SERINC5: variants seen among roughly 807,000 people sequenced by gnomAD.
SERINC5 encodes serine incorporator 5, also known as chromosome 5 open reading frame 12.
Under a neutral mutation model 63.1 loss-of-function variants are expected in SERINC5, and 41 were observed. The observed-to-expected ratio is 0.65, with a 90% CI of 0.51 to 0.84. The LOEUF (loss-of-function observed/expected upper bound fraction) is 0.84. Ranked by LOEUF, SERINC5 falls within the 40% of genes least tolerant of loss-of-function variation. The pLI, the probability that SERINC5 is intolerant of heterozygous loss-of-function variation, is 0.00. For missense variants in SERINC5, 523 were observed against 573.0 expected (o/e 0.91, Z 0.89); for synonymous variants, 222 against 215.2 (o/e 1.03, Z -0.28).
intron 1 of SERINC5, among the ~76,000 whole-genome samples, chr5:80,247,332 A>G (rs908896606): frequency 2.0e-5 from 3 of 152,124 alleles, no homozygotes; most frequent in Admixed American, 1.3e-4. Context: ...CCAGATACTC[A>G]GTATCTGTGG....
At chr5:80,233,597 A>G (rs1719621093) in intron 1 of SERINC5, among the ~76,000 whole-genome samples, 1 of 152,080 alleles carries the variant, frequency 6.6e-6, no homozygotes, top group African/African-American at 2.4e-5. Flanking sequence ...AAATAAAACT[A>G]GGACTTTTTT....
In SERINC5 at chr5:80,140,968, C is replaced by T; in HGVS notation, c.*2695G>A. 1.0e-6 allele frequency: 1 copy of T among 985,408 alleles called. No homozygotes were observed. Among genetic ancestry groups the T allele is most frequent in the Non-Finnish European group, 1.2e-6 (1 of 829,900 alleles). The allele number at this position is 985,408 out of a possible 1,614,324, so 61.0% of individuals were successfully genotyped here. Reference sequence around the variant, plus strand: ...GATATCAGTGAGTTAATCAAATTAACACCGTTGTTATAGGAACTCAAAGCC... The same window carrying T: ...GATATCAGTGAGTTAATCAAATTAATACCGTTGTTATAGGAACTCAAAGCC... On this transcript the variant is annotated 3_prime_UTR_variant, in exon 12 of 12. Transcript: ENST00000507668.
intron 1 of SERINC5, among the ~76,000 whole-genome samples, chr5:80,222,872 C>T (rs1407995158): frequency 6.6e-6 from 1 of 151,852 alleles, no homozygotes; most frequent in Non-Finnish European, 1.5e-5. Flanking sequence ...CCATACCGGC[C>T]AGTTTTTTAG....
At chr5:80,224,798 G>T (rs981763010) in intron 1 of SERINC5, among the ~76,000 whole-genome samples, 6 of 151,394 alleles carry the variant, frequency 4.0e-5, no homozygotes, top group African/African-American at 1.5e-4. Context: ...AGCTAATTTT[G>T]TATTTTTAGT....
chr5:80,173,321 T>C (rs780083035), intron 5 of SERINC5, among the ~76,000 whole-genome samples: 3 of 151,186 alleles, frequency 2.0e-5, no homozygotes, highest in Non-Finnish European at 4.4e-5. Flanking sequence ...AGAAGCCGGG[T>C]GCAGTGGCTC....
Position 80,139,104 on chromosome 5 carries a change from C to T in SERINC5, c.*4559G>A, listed in dbSNP as rs909606710. ...TAAATTTCAAACAGTAGATTTACCACACATATTGCATTTTCAAATTCTAAT... is the reference window on the plus strand; with the variant it reads ...TAAATTTCAAACAGTAGATTTACCATACATATTGCATTTTCAAATTCTAAT... On this transcript the variant is annotated 3_prime_UTR_variant, in exon 12 of 12. Transcript: ENST00000507668. 2.0e-6 allele frequency: 2 copies of T among 984,290 alleles called. No homozygotes were observed. The highest frequency in any genetic ancestry group is 1.7e-5 in the African/African-American group (1 of 57,214). 61.0% of individuals were successfully genotyped at this position (984,290 alleles called of 1,614,324 possible).
At chr5:80,200,969 C>T (rs995987788) in intron 2 of SERINC5, among the ~76,000 whole-genome samples, 5 of 151,648 alleles carry the variant, frequency 3.3e-5, no homozygotes, top group Admixed American at 2.0e-4. Flanking sequence ...CATGGTGGCA[C>T]GCGCCTGTAA....
At chr5:80,116,874 GC>G (rs1468437437) in intron 11 of SERINC5, among the ~76,000 whole-genome samples, 2 of 151,602 alleles carry the variant, frequency 1.3e-5, no homozygotes, top group African/African-American at 4.9e-5. Context: ...TCTCGCCCAG[GC>G]TGGAGTATAC....
In SERINC5 at chr5:80,140,849, A is replaced by G. The variant is rs552223438; in HGVS notation, c.*2814T>C. On this transcript the variant is annotated 3_prime_UTR_variant, in exon 12 of 12. Coordinates refer to ENST00000507668, the MANE Select transcript of SERINC5 (RefSeq NM_001174072.3). The stretch of plus-strand genomic sequence containing the variant: ...TTTAAAAAAGTCCTCTTCAACTGTC[A>G]TCCCTAAATGTGTCTGACCAGCAGC... 3 of 985,424 alleles carry G rather than the reference A, an allele frequency of 3.0e-6. No homozygotes were observed. The African/African-American group carries it at 5.2e-5, about 17-fold the overall frequency. 61.0% of individuals were successfully genotyped at this position (985,424 alleles called of 1,614,324 possible).
chr5:80,141,331 A>C lies in SERINC5; in HGVS notation c.*2332T>G, dbSNP rs1745491944. ...GCTGGGCTGGCTCCAGAAGGAAGCGACGAGGGCCTTCTACCGGCCACACTC... is the reference window on the plus strand; with the variant it reads ...GCTGGGCTGGCTCCAGAAGGAAGCGCCGAGGGCCTTCTACCGGCCACACTC... On this transcript the variant is annotated 3_prime_UTR_variant, in exon 12 of 12. Transcript: ENST00000507668. 2 of 985,328 alleles carry C rather than the reference A, an allele frequency of 2.0e-6. No individual in the cohort carries two copies. The highest frequency in any genetic ancestry group is 2.4e-6 in the Non-Finnish European group (2 of 829,946). 61.0% of individuals were successfully genotyped at this position (985,328 alleles called of 1,614,324 possible).
At chr5:80,155,548 G>A (rs1746464193) in intron 8 of SERINC5, among the ~76,000 whole-genome samples, 1 of 143,184 alleles carries the variant, frequency 7.0e-6, no homozygotes, top group Non-Finnish European at 1.5e-5. Flanking sequence ...ACTCCAGCCT[G>A]GGTGAAAGAG....
intron 1 of SERINC5, among the ~76,000 whole-genome samples, chr5:80,227,999 A>G (rs1751245165): frequency 6.6e-6 from 1 of 151,182 alleles, no homozygotes; most frequent in African/African-American, 2.4e-5. Context: ...AGGTGGGTGG[A>G]TCACTTGAGC....
chr5:80,114,523 A>G, intron 11 of SERINC5: 2 of 203,564 alleles, frequency 9.8e-6, no homozygotes, highest in South Asian at 5.2e-5. Context: ...CCATGGTGGC[A>G]CATGCCTGTA....
intron 1 of SERINC5, among the ~76,000 whole-genome samples, chr5:80,207,422 T>G (rs551020546): frequency 9.2e-5 from 14 of 152,312 alleles, no homozygotes; most frequent in African/African-American, 3.4e-4. Context: ...GAATCAACAT[T>G]TAAACTTACT....
chr5:80,201,763 C>T (rs1749850216), intron 2 of SERINC5, among the ~76,000 whole-genome samples: 1 of 152,158 alleles, frequency 6.6e-6, no homozygotes, highest in South Asian at 2.1e-4. Flanking sequence ...CTTCTGTATA[C>T]GCTGACCAAA....
intron 1 of SERINC5, among the ~76,000 whole-genome samples, chr5:80,221,605 A>G (rs1307129896): frequency 1.3e-5 from 2 of 152,204 alleles, no homozygotes; most frequent in Non-Finnish European, 2.9e-5. Flanking sequence ...TTCAAGGTTT[A>G]ACATTAAGCA....
chr5:80,252,427 G>A (rs933389336), intron 1 of SERINC5, among the ~76,000 whole-genome samples: 15 of 151,918 alleles, frequency 9.9e-5, no homozygotes, highest in African/African-American at 3.4e-4. Flanking sequence ...TAAGTTAAAG[G>A]AGAACAAGGA....
At chr5:80,170,119 G>A (rs564576165) in intron 5 of SERINC5, among the ~76,000 whole-genome samples, 2 of 152,306 alleles carry the variant, frequency 1.3e-5, no homozygotes, top group South Asian at 4.1e-4. Flanking sequence ...CAAAAAGGGA[G>A]TAAAGGAAGA....
chr5:80,206,696 C>T (rs1213636823), intron 1 of SERINC5, among the ~76,000 whole-genome samples: 4 of 152,076 alleles, frequency 2.6e-5, no homozygotes, highest in African/African-American at 9.7e-5. Context: ...TTTCCACTCA[C>T]ATGCCCCAAT....
Sources: gnomAD v4.1 joint callset for allele counts (sites outside exome capture counted in the v4.1 genomes callset) on GRCh38, gnomAD v4.1.1 for gene constraint, MANE v1.5 for transcripts, NCBI Gene and HGNC (gene_info 2026-07-23, HGNC 2026-07-21) for gene names.